Variants in CLVS1 observed in about 807,000 individuals in gnomAD.
The protein encoded by CLVS1 is clavesin 1.
In CLVS1, 10 loss-of-function variants were observed where a neutral mutation model predicts 33.1. The observed-to-expected ratio is 0.30, with a 90% CI of 0.19 to 0.51. The LOEUF (loss-of-function observed/expected upper bound fraction) is 0.51. CLVS1 is among the 20% of genes least tolerant of loss of function. CLVS1 has a pLI of 0.97. For missense variants in CLVS1, 343 were observed against 433.4 expected (o/e 0.79, Z 1.85); for synonymous variants, 163 against 166.1 (o/e 0.98, Z 0.14).
chr8:61,422,815 T>C (rs1815729303), intron 3 of CLVS1, among the ~76,000 whole-genome samples: 1 of 152,222 alleles, frequency 6.6e-6, no homozygotes, highest in Non-Finnish European at 1.5e-5. Flanking sequence ...TCTGGAAGAC[T>C]AACCGAAAGA....
intron 2 of CLVS1, chr8:61,202,316 G>T: frequency 1.5e-6 from 1 of 679,344 alleles, no homozygotes; most frequent in Non-Finnish European, 2.7e-6. Flanking sequence ...ATCTTCGTCC[G>T]CCTTCTCTCC....
intron 2 of CLVS1, among the ~76,000 whole-genome samples, chr8:61,162,436 CT>C (rs1356140338): frequency 6.6e-6 from 1 of 152,190 alleles, no homozygotes; most frequent in Non-Finnish European, 1.5e-5. Context: ...ACTCTTGCTC[CT>C]TTGGAATCTG....
At chr8:61,356,234 A>G (rs1322867160) in intron 2 of CLVS1, among the ~76,000 whole-genome samples, 1 of 152,178 alleles carries the variant, frequency 6.6e-6, no homozygotes, top group Non-Finnish European at 1.5e-5. Flanking sequence ...GTCTGTTCAT[A>G]TCCTTCACCC....
intron 2 of CLVS1, among the ~76,000 whole-genome samples, chr8:61,198,352 C>G (rs913348005): frequency 6.6e-6 from 1 of 152,080 alleles, no homozygotes; most frequent in Non-Finnish European, 1.5e-5. Flanking sequence ...TACCTGTCAC[C>G]TGAATAGTAT....
chr8:60,976,272 T>C, the CLVS1 span, among the ~76,000 whole-genome samples: 1 of 152,120 alleles, frequency 6.6e-6, no homozygotes, highest in South Asian at 2.1e-4. Flanking sequence ...TGACCCACAT[T>C]GAAAAAATGC....
chr8:61,268,226 C>T (rs1366728755), intron 2 of CLVS1, among the ~76,000 whole-genome samples: 1 of 140,106 alleles, frequency 7.1e-6, no homozygotes, highest in Non-Finnish European at 1.5e-5. Flanking sequence ...TCCATGTGAT[C>T]TCATTGTTCA....
chr8:61,205,018 A>G (rs1445246290), intron 2 of CLVS1, among the ~76,000 whole-genome samples: 1 of 152,248 alleles, frequency 6.6e-6, no homozygotes, highest in Non-Finnish European at 1.5e-5. Context: ...TTGTTTCATC[A>G]GTGGGAAGAA....
At chr8:61,294,761 TAATAA>T (rs1003458861) in intron 1 of CLVS1, among the ~76,000 whole-genome samples, 4 of 152,168 alleles carry the variant, frequency 2.6e-5, no homozygotes, top group African/African-American at 9.7e-5. Context: ...CTGAAGATTA[TAATAA>T]AATAAATAAA....
rs117490054 is a variant in CLVS1 at position 61,389,049 on chromosome 8, G to A, written c.630+12270G>A. Among the ~76,000 whole-genome samples, 549 of 152,206 alleles carry A rather than the reference G, an allele frequency of 3.6e-3. 2 individuals carry two copies. The highest frequency in any genetic ancestry group is 6.2e-3 in the Non-Finnish European group (424 of 68,016). On this transcript the variant is annotated intron_variant, in intron 3 of 5. Transcript: ENST00000325897. ...GAGAACATGCGGTGTTTTATTTTCT[G>A]TGCCTGGCACTTAACATAATGTACA...
intron 2 of CLVS1, among the ~76,000 whole-genome samples, chr8:61,169,269 T>C (rs983499131): frequency 1.3e-5 from 2 of 152,164 alleles, no homozygotes; most frequent in East Asian, 1.9e-4. Context: ...TGGAAGACCA[T>C]AGAAGCTGCC....
chr8:61,266,396 T>G (rs986840300), intron 2 of CLVS1, among the ~76,000 whole-genome samples: 1 of 152,044 alleles, frequency 6.6e-6, no homozygotes, highest in Non-Finnish European at 1.5e-5. Flanking sequence ...TTAACCAGAT[T>G]TGGTTAATAT....
chr8:61,076,432 A>C (rs1804911942), intron 1 of CLVS1, among the ~76,000 whole-genome samples: 1 of 152,202 alleles, frequency 6.6e-6, no homozygotes, highest in Non-Finnish European at 1.5e-5. Context: ...TAGCAAATGT[A>C]CTGAGTAGCC....
intron 2 of CLVS1, among the ~76,000 whole-genome samples, chr8:61,269,839 C>G (rs887457477): frequency 6.6e-5 from 10 of 150,952 alleles, no homozygotes; most frequent in African/African-American, 2.4e-4. Context: ...TATAAGAATG[C>G]TTGTGATTTT....
At chr8:61,130,240 A>AAAAAAAATAAATAAAT (rs138042770) in intron 1 of CLVS1, among the ~76,000 whole-genome samples, 9 of 140,090 alleles carry the variant, frequency 6.4e-5, no homozygotes, top group Admixed American at 5.7e-4. Flanking sequence ...TCTGTCTCAA[A>AAAAAAAATAAATAAAT]AAATAAATAA....
At chr8:61,447,416 AT>A (rs1046896974) in intron 3 of CLVS1, among the ~76,000 whole-genome samples, 23 of 150,004 alleles carry the variant, frequency 1.5e-4, no homozygotes, top group African/African-American at 5.1e-4. Flanking sequence ...TGCCATTCTA[AT>A]TTTTTTTTCT....
chr8:61,032,427 T>G, the CLVS1 span, among the ~76,000 whole-genome samples: 2 of 152,218 alleles, frequency 1.3e-5, no homozygotes, highest in Non-Finnish European at 2.9e-5. Flanking sequence ...TTTGATAATC[T>G]CTGTGTGTCA....
the CLVS1 span, among the ~76,000 whole-genome samples, chr8:60,989,622 C>T: frequency 5.3e-5 from 8 of 152,158 alleles, no homozygotes; most frequent in Non-Finnish European, 7.3e-5. Context: ...GTAATGTGGG[C>T]GTTTCAATGT....
At chr8:61,017,622 G>T in the CLVS1 span, among the ~76,000 whole-genome samples, 302 of 152,380 alleles carry the variant, frequency 2.0e-3, no homozygotes, top group Admixed American at 6.3e-3. Flanking sequence ...TAGGAAAGCT[G>T]CCACAAGGAC....
At chr8:61,257,210 C>T (rs773807122) in intron 2 of CLVS1, among the ~76,000 whole-genome samples, 5 of 152,148 alleles carry the variant, frequency 3.3e-5, no homozygotes, top group African/African-American at 4.8e-5. Flanking sequence ...TGTCCCAGTG[C>T]TAATTGAGTA....
Sources: gnomAD v4.1 joint callset for allele counts (sites outside exome capture counted in the v4.1 genomes callset) on GRCh38, gnomAD v4.1.1 for gene constraint, MANE v1.5 for transcripts, NCBI Gene and HGNC (gene_info 2026-07-23, HGNC 2026-07-21) for gene names.